OGFOD1: variants seen among roughly 807,000 people sequenced by gnomAD.
The protein encoded by OGFOD1 is prolyl 3-hydroxylase OGFOD1.
A neutral mutation model predicts 67.7 loss-of-function variants in OGFOD1; 54 were observed. The observed-to-expected ratio is 0.80, with a 90% CI of 0.64 to 1.00. The LOEUF is 1.00. Ranked by LOEUF, OGFOD1 falls within the 50% of genes least tolerant of loss-of-function variation. The pLI is 0.00. For synonymous variants in OGFOD1, 221 were observed against 227.0 expected (o/e 0.97, Z 0.24); for missense variants, 606 against 646.7 (o/e 0.94, Z 0.68).
intron 2 of OGFOD1, chr16:56,458,061 C>G (rs1266330253): frequency 6.0e-6 from 1 of 167,178 alleles, no homozygotes; most frequent in Non-Finnish European, 1.3e-5. Flanking sequence ...GCCAGGCGCG[C>G]TTCATGCTCA....
At chr16:56,453,736 A>C (rs140232272) in intron 2 of OGFOD1, 1 of 170,362 alleles carries the variant, frequency 5.9e-6, no homozygotes, top group East Asian at 1.6e-4. Context: ...CTAGGTACAC[A>C]GGTTTCTATG....
chr16:56,468,708 A>G lies in OGFOD1; in HGVS notation c.900+690A>G, dbSNP rs192013267. 2.4e-4 allele frequency among the ~76,000 whole-genome samples: 35 copies of G among 148,502 alleles called. No homozygotes were observed. In the East Asian group the frequency reaches 6.9e-3, roughly 29 times the overall value. ...GCCATTGCACTCCAGCCTGGGTGAC[A>G]GAGCGAGACTCCGTCTCAAAAAAAA... On this transcript the variant is annotated intron_variant, in intron 8 of 12. Coordinates refer to ENST00000566157, the MANE Select transcript of OGFOD1 (RefSeq NM_018233.4).
intron 7 of OGFOD1, among the ~76,000 whole-genome samples, chr16:56,467,694 T>C (rs544709981): frequency 6.6e-6 from 1 of 152,318 alleles, no homozygotes; most frequent in South Asian, 2.1e-4. Flanking sequence ...CCCAAAGTGC[T>C]GGGATTACAG....
intron 10 of OGFOD1, among the ~76,000 whole-genome samples, chr16:56,474,161 A>G (rs1448597379): frequency 1.3e-5 from 2 of 152,120 alleles, no homozygotes; most frequent in African/African-American, 4.8e-5. Flanking sequence ...AATCAGGTCT[A>G]TCTTTGCCTT....
chr16:56,470,850 T>C, intron 10 of OGFOD1, 59 bp downstream of exon 10: 1 of 1,442,742 alleles, frequency 6.9e-7, no homozygotes, highest in Non-Finnish European at 9.2e-7. Context: ...TTCAAACATG[T>C]ATTCATTCAA....
intron 10 of OGFOD1, among the ~76,000 whole-genome samples, chr16:56,471,151 A>C (rs1963160437): frequency 6.6e-6 from 1 of 151,800 alleles, no homozygotes; most frequent in Non-Finnish European, 1.5e-5. Flanking sequence ...CAGGAGTTCG[A>C]GACCAGCCTG....
intron 2 of OGFOD1, among the ~76,000 whole-genome samples, chr16:56,457,368 T>C (rs1276011280): frequency 6.6e-6 from 1 of 152,170 alleles, no homozygotes; most frequent in East Asian, 1.9e-4. Context: ...AATAGGCAAG[T>C]GGTTGCGAGG....
chr16:56,457,693 T>A (rs1962569070), intron 2 of OGFOD1, among the ~76,000 whole-genome samples: 1 of 152,174 alleles, frequency 6.6e-6, no homozygotes, highest in East Asian at 1.9e-4. Flanking sequence ...ATTAGGTTTT[T>A]TTTTTAGACG....
At chr16:56,454,614 T>C (rs867404859) in intron 2 of OGFOD1, among the ~76,000 whole-genome samples, 1 of 151,768 alleles carries the variant, frequency 6.6e-6, no homozygotes, top group Non-Finnish European at 1.5e-5. Flanking sequence ...ATGAATCCTT[T>C]GTAAACCTCA....
intron 2 of OGFOD1, among the ~76,000 whole-genome samples, chr16:56,455,793 AC>A (rs1962504983): frequency 6.6e-6 from 1 of 152,128 alleles, no homozygotes; most frequent in Non-Finnish European, 1.5e-5. Context: ...CCATTACTAT[AC>A]CTGTTTCACA....
intron 10 of OGFOD1, among the ~76,000 whole-genome samples, chr16:56,473,813 C>CT (rs1254737181): frequency 5.0e-4 from 72 of 144,764 alleles, no homozygotes; most frequent in East Asian, 6.0e-4. Flanking sequence ...TATTAACCTT[C>CT]TTTTTTTTTT....
chr16:56,470,370 T>G (rs1963109008), intron 9 of OGFOD1, 117 bp from the exon 10 acceptor site: 8 of 956,586 alleles, frequency 8.4e-6, no homozygotes, highest in South Asian at 4.9e-5. Flanking sequence ...AACTTGTGCC[T>G]TAGTAAGCTG....
At chr16:56,471,197 C>CA (rs61143039) in intron 10 of OGFOD1, among the ~76,000 whole-genome samples, 38,728 of 132,756 alleles carry the variant, frequency 0.29, 5,158 homozygotes, top group South Asian at 0.39. Context: ...ACTAAAAATA[C>CA]AAAAAAAAAA....
intron 10 of OGFOD1, among the ~76,000 whole-genome samples, chr16:56,472,140 T>G (rs1433412951): frequency 1.3e-5 from 2 of 152,004 alleles, no homozygotes; most frequent in African/African-American, 4.8e-5. Context: ...TTTCTTGATT[T>G]TTTTTTTTTT....
intron 11 of OGFOD1, among the ~76,000 whole-genome samples, chr16:56,475,209 AT>A (rs1335721057): frequency 1.3e-5 from 2 of 152,250 alleles, no homozygotes; most frequent in East Asian, 3.9e-4. Flanking sequence ...AGATCTATAG[AT>A]TTTATGTAAT....
At chr16:56,460,484 A>C (rs1359225559) in intron 3 of OGFOD1, among the ~76,000 whole-genome samples, 1 of 152,220 alleles carries the variant, frequency 6.6e-6, no homozygotes, top group Non-Finnish European at 1.5e-5. Flanking sequence ...AGAAATATTT[A>C]TCTCTCACAT....
chr16:56,452,450 AAAT>A lies in OGFOD1; in HGVS notation c.154+686_154+688del, dbSNP rs1962372377. Among the ~76,000 whole-genome samples, 3 of 152,324 alleles carry A rather than the reference AAAT, an allele frequency of 2.0e-5. No individual in the cohort carries two copies. The South Asian group carries it at 6.2e-4, about 32-fold the overall frequency. On this transcript the variant is annotated intron_variant, in intron 1 of 12. Transcript: ENST00000566157. ...GTTGAACGATTCCAGCCTCAGCTTT[AAAT>A]ATCACCTTAGGTGTTCAGAGCTCTG... is the stretch of plus-strand genomic sequence containing the variant.
intron 4 of OGFOD1, among the ~76,000 whole-genome samples, chr16:56,465,003 CT>C (rs796682726): frequency 4.5e-3 from 623 of 139,426 alleles, no homozygotes; most frequent in Middle Eastern, 0.011. Context: ...GAATGTATTT[CT>C]TTTTTTTTTT....
Position 56,467,932 on chromosome 16 carries a change from C to CCTACT in OGFOD1, c.815_819dup (p.Tyr274LeufsTer24). ...TGAGATTTTGTATGATTGGATCAAC[C>CCTACT]CTACTTATCTGGACATGGATTACCA... On this transcript the variant is annotated frameshift_variant, in exon 8 of 13. Transcript: ENST00000566157. LOFTEE classifies it high-confidence loss of function. 2 of 1,602,176 alleles carry CCTACT rather than the reference C, an allele frequency of 1.2e-6. No individual in the cohort carries two copies. The highest frequency in any genetic ancestry group is 8.6e-7 in the Non-Finnish European group (1 of 1,169,212).
Sources: gnomAD v4.1 joint callset for allele counts (sites outside exome capture counted in the v4.1 genomes callset) on GRCh38, gnomAD v4.1.1 for gene constraint, MANE v1.5 for transcripts, NCBI Gene and HGNC (gene_info 2026-07-23, HGNC 2026-07-21) for gene names.